The following ZNF385D variants were observed in gnomAD, a reference collection of about 807,000 sequenced individuals.
ZNF385D encodes zinc finger protein 659.
A neutral mutation model predicts 35.8 loss-of-function variants in ZNF385D; 15 were observed. The ratio of observed to expected loss-of-function variants is 0.42; its 90% CI spans 0.28 to 0.64. The LOEUF is 0.64. Among genes scored for constraint, ZNF385D ranks in the 30% least tolerant of loss-of-function variants. The pLI, the probability that ZNF385D is intolerant of heterozygous loss-of-function variation, is 0.23. For synonymous variants in ZNF385D, 212 were observed against 186.8 expected (o/e 1.13, Z -1.10); for missense variants, 474 against 494.6 (o/e 0.96, Z 0.39).
intron 3 of ZNF385D, among the ~76,000 whole-genome samples, chr3:21,872,636 T>C (rs903082632): frequency 6.6e-5 from 10 of 152,120 alleles, no homozygotes; most frequent in African/African-American, 2.2e-4. Context: ...ATTTAGATGC[T>C]GAGACCATAA....
chr3:21,790,480 C>T (rs2071881910), intron 3 of ZNF385D, among the ~76,000 whole-genome samples: 1 of 151,858 alleles, frequency 6.6e-6, no homozygotes, highest in African/African-American at 2.4e-5. Context: ...TAAATATTTT[C>T]TATAGTTATA....
At chr3:21,597,494 G>A (rs1280369563) in intron 2 of ZNF385D, among the ~76,000 whole-genome samples, 1 of 152,070 alleles carries the variant, frequency 6.6e-6, no homozygotes, top group Non-Finnish European at 1.5e-5. Context: ...ATTTATAAAG[G>A]AGAAAGAGAG....
chr3:21,958,016 C>T (rs142336606), intron 3 of ZNF385D, among the ~76,000 whole-genome samples: 3 of 152,172 alleles, frequency 2.0e-5, no homozygotes, highest in African/African-American at 4.8e-5. Context: ...CCAGTGTGCC[C>T]GAGTGTTGTT....
In ZNF385D at chr3:22,048,248, T is replaced by C. The variant is rs543946046; in HGVS notation, c.325+120569A>G. On this transcript the variant is annotated intron_variant, in intron 3 of 5. Transcript: ENST00000494108. ...ATGCAGAATTTTTTTTAGTTTGCTG[T>C]AATCCCATTTGCTTTTGGAAAAAAA... Among the ~76,000 whole-genome samples the C allele has an allele frequency of 2.0e-5, 3 of 152,228 alleles. No homozygotes were observed. The South Asian group carries it at 6.2e-4, about 32-fold the overall frequency.
chr3:21,811,783 T>C (rs569464148), intron 3 of ZNF385D, among the ~76,000 whole-genome samples: 1 of 152,222 alleles, frequency 6.6e-6, no homozygotes, highest in Admixed American at 6.5e-5. Context: ...CAGCACCATT[T>C]TGCAAGCCCT....
chr3:22,103,879 C>T (rs1268226655), intron 3 of ZNF385D, among the ~76,000 whole-genome samples: 1 of 151,918 alleles, frequency 6.6e-6, no homozygotes, highest in Non-Finnish European at 1.5e-5. Context: ...TACTAATATC[C>T]ATCCTATTAA....
chr3:21,602,829 G>C (rs112805238), intron 2 of ZNF385D, among the ~76,000 whole-genome samples: 28 of 151,898 alleles, frequency 1.8e-4, no homozygotes, highest in African/African-American at 5.6e-4. Flanking sequence ...CACCGCGCCC[G>C]GCCTCCCTGC....
chr3:22,103,485 G>A (rs2125629433), intron 3 of ZNF385D, among the ~76,000 whole-genome samples: 1 of 152,056 alleles, frequency 6.6e-6, no homozygotes, highest in East Asian at 1.9e-4. Flanking sequence ...ATAAACTTGT[G>A]TTCTCAAGCT....
chr3:22,056,685 T>C (rs905706053), intron 3 of ZNF385D, among the ~76,000 whole-genome samples: 3 of 151,840 alleles, frequency 2.0e-5, no homozygotes, highest in Admixed American at 1.3e-4. Flanking sequence ...GCTATTGCCA[T>C]AATAATGCTG....
At chr3:22,372,600 G>C in exon 2 of ZNF385D, 3 of 894,326 alleles carry the variant, frequency 3.4e-6, no homozygotes, top group Non-Finnish European at 4.0e-6. Context: ...GGAGACGCAC[G>C]GCTGCCCGCC....
intron 3 of ZNF385D, among the ~76,000 whole-genome samples, chr3:21,821,797 C>CA (rs1047842863): frequency 1.3e-5 from 2 of 151,810 alleles, no homozygotes; most frequent in Non-Finnish European, 2.9e-5. Context: ...CCCATCTCTA[C>CA]AAAATTTTTT....
chr3:21,413,613 A>C lies in ZNF385D; in HGVS notation c.*7601T>G, dbSNP rs1018980642. 1 of 152,082 alleles carries C rather than the reference A, an allele frequency of 6.6e-6. No homozygotes were observed. The highest frequency in any genetic ancestry group is 6.6e-5 in the Admixed American group (1 of 15,236). The allele number at this position is 152,082 out of a possible 1,614,324, so 9.4% of individuals were successfully genotyped here. A position where few individuals can be genotyped will look rare whatever the true frequency, so the allele number is the denominator to read the frequency against. ...TTGCCAAGAGATTGATATTAGATAAAACCCTGGTTATATTTTTTAAGCCAT... is the reference window on the plus strand; with the variant it reads ...TTGCCAAGAGATTGATATTAGATAACACCCTGGTTATATTTTTTAAGCCAT... On this transcript the variant is annotated 3_prime_UTR_variant, in exon 8 of 8. Coordinates refer to ENST00000281523, the MANE Select transcript of ZNF385D (RefSeq NM_024697.3).
chr3:21,693,687 C>A (rs1266265197), intron 1 of ZNF385D, among the ~76,000 whole-genome samples: 1 of 152,066 alleles, frequency 6.6e-6, no homozygotes, highest in Admixed American at 6.5e-5. Context: ...ATACTGGAAT[C>A]ATCTCCCTAT....
At chr3:21,517,326 G>GAAGGGTCGTAGA (rs1390597643) in intron 3 of ZNF385D, among the ~76,000 whole-genome samples, 3 of 152,036 alleles carry the variant, frequency 2.0e-5, no homozygotes, top group Non-Finnish European at 2.9e-5. Flanking sequence ...ACACACCTGT[G>GAAGGGTCGTAGA]AAGGGTCGTA....
At position 22,349,478 on chromosome 3, in the gene ZNF385D, T is replaced by C. The variant is rs114536514; in HGVS notation, c.106+22972A>G. Among the ~76,000 whole-genome samples, 573 of 152,256 alleles carry C rather than the reference T, an allele frequency of 3.8e-3. 2 individuals carry two copies. The highest frequency in any genetic ancestry group is 0.013 in the African/African-American group (530 of 41,544). On this transcript the variant is annotated intron_variant, in intron 2 of 5. Coordinates refer to the ZNF385D transcript ENST00000494108. ...CCCAATCTTCTTAAATGTACACTGG[T>C]GATATCTGTGTTTCCTACCTCACAC...
chr3:21,486,960 T>C (rs1484915092), intron 4 of ZNF385D, among the ~76,000 whole-genome samples: 1 of 152,166 alleles, frequency 6.6e-6, no homozygotes, highest in Non-Finnish European at 1.5e-5. Flanking sequence ...ACTTCTATTC[T>C]ACTGGAAGTG....
chr3:22,369,025 C>T (rs1485457338), intron 2 of ZNF385D, among the ~76,000 whole-genome samples: 1 of 152,180 alleles, frequency 6.6e-6, no homozygotes, highest in Non-Finnish European at 1.5e-5. Flanking sequence ...AATTTAAGCA[C>T]TTGCTTGATT....
intron 2 of ZNF385D, among the ~76,000 whole-genome samples, chr3:22,178,012 C>A (rs944358730): frequency 6.6e-6 from 1 of 152,136 alleles, no homozygotes; most frequent in African/African-American, 2.4e-5. Context: ...GGTTCCAAGT[C>A]TTTGCTATTG....
At chr3:21,955,853 G>T (rs939364007) in intron 3 of ZNF385D, among the ~76,000 whole-genome samples, 1 of 152,016 alleles carries the variant, frequency 6.6e-6, no homozygotes, top group African/African-American at 2.4e-5. Flanking sequence ...TAATTCAAAG[G>T]AGGGAATATT....
Sources: allele counts gnomAD v4.1 joint callset (sites outside exome capture counted in the v4.1 genomes callset), GRCh38; gene constraint gnomAD v4.1.1; transcripts MANE v1.5; gene names NCBI Gene and HGNC (gene_info 2026-07-23, HGNC 2026-07-21).